Variants in RNGTT observed in about 807,000 individuals in gnomAD.
RNGTT encodes the protein RNA guanylyltransferase and 5'-phosphatase.
Under a neutral mutation model 79.3 loss-of-function variants are expected in RNGTT, and 33 were observed. The ratio of observed to expected loss-of-function variants is 0.42; its 90% CI spans 0.32 to 0.56. RNGTT has a LOEUF of 0.56. Among genes scored for constraint, RNGTT ranks in the 20% least tolerant of loss-of-function variants. RNGTT has a pLI of 0.17. For missense variants in RNGTT, 497 were observed against 739.1 expected, an observed-to-expected ratio of 0.67 and a Z score of 3.80; for synonymous variants, 222 against 235.9, an observed-to-expected ratio of 0.94 and a Z score of 0.54.
At chr6:88,922,768 A>G (rs1053070461) in intron 4 of RNGTT, among the ~76,000 whole-genome samples, 3 of 152,158 alleles carry the variant, frequency 2.0e-5, no homozygotes, top group African/African-American at 7.2e-5. Context: ...TGACCTTGTG[A>G]TCCACCCGCC....
intron 14 of RNGTT, among the ~76,000 whole-genome samples, chr6:88,623,454 T>C (rs1306585047): frequency 6.6e-6 from 1 of 152,070 alleles, no homozygotes; most frequent in African/African-American, 2.4e-5. Flanking sequence ...CCCAATTCCT[T>C]GTGACAGAGA....
intron 13 of RNGTT, among the ~76,000 whole-genome samples, chr6:88,692,946 A>G (rs997127316): frequency 1.3e-5 from 2 of 152,044 alleles, no homozygotes; most frequent in African/African-American, 2.4e-5. Flanking sequence ...CCTTGAGACA[A>G]ACAAAAAGCA....
rs78890900 is a variant in RNGTT at position 88,670,161 on chromosome 6, C to T, written c.1506+8192G>A. On this transcript the variant is annotated intron_variant, in intron 14 of 15. Transcript: ENST00000369485. ...ATATAGATGACCAAGGCCAAGTAGTCGAAAACATCGTCAGAGACATGACAA... is the reference window on the plus strand; with the variant it reads ...ATATAGATGACCAAGGCCAAGTAGTTGAAAACATCGTCAGAGACATGACAA... 8.8e-3 allele frequency among the ~76,000 whole-genome samples: 1,333 copies of T among 152,274 alleles called. 19 individuals carry two copies. The highest frequency in any genetic ancestry group is 0.03 in the African/African-American group (1,247 of 41,544).
chr6:88,857,603 A>G (rs1332367005), intron 8 of RNGTT, among the ~76,000 whole-genome samples: 1 of 152,180 alleles, frequency 6.6e-6, no homozygotes, highest in Non-Finnish European at 1.5e-5. Flanking sequence ...TTCATGTAAA[A>G]GCATACTAGT....
intron 1 of RNGTT, among the ~76,000 whole-genome samples, chr6:88,948,504 C>T (rs1213410695): frequency 2.0e-4 from 28 of 142,702 alleles, no homozygotes; most frequent in African/African-American, 6.7e-4. Flanking sequence ...GTCAGCCCCC[C>T]GCCCGGCCGG....
intron 13 of RNGTT, among the ~76,000 whole-genome samples, chr6:88,693,235 G>C (rs1391855224): frequency 6.6e-6 from 1 of 151,864 alleles, no homozygotes; most frequent in East Asian, 1.9e-4. Context: ...CCCTTACCTA[G>C]ACTGAGAAAA....
intron 4 of RNGTT, among the ~76,000 whole-genome samples, chr6:88,922,740 A>G (rs550273917): frequency 6.6e-6 from 1 of 152,136 alleles, no homozygotes; most frequent in Non-Finnish European, 1.5e-5. Context: ...CATGTTAGTC[A>G]GGATGGTCTT....
chr6:88,904,591 G>T, intron 6 of RNGTT, 124 bp downstream of exon 6: 1 of 1,209,718 alleles, frequency 8.3e-7, no homozygotes, highest in Non-Finnish European at 1.1e-6. Flanking sequence ...TTTTAGAAAG[G>T]GCTAGGATGA....
intron 14 of RNGTT, among the ~76,000 whole-genome samples, chr6:88,673,964 A>G (rs1228012701): frequency 6.6e-6 from 1 of 152,242 alleles, no homozygotes; most frequent in African/African-American, 2.4e-5. Flanking sequence ...GCTGAAACCT[A>G]TTAGGATTCC....
rs139495562 is a variant in RNGTT at position 88,614,222 on chromosome 6, C to T, written c.1630+50G>A. The T allele has an allele frequency of 1.1e-3, 1,722 of 1,594,026 alleles. 7 individuals carry two copies. The Middle Eastern group carries it at 0.022, about 20-fold the overall frequency. ...AGGCAGCACACTTTGGGTCTAACAC[C>T]TTAATTTTTGTTTTAAATATAATAA... On this transcript the variant is annotated intron_variant, in intron 15 of 15. Transcript: ENST00000369485.
intron 8 of RNGTT, among the ~76,000 whole-genome samples, chr6:88,872,360 C>G (rs1001686801): frequency 3.9e-5 from 6 of 152,038 alleles, no homozygotes; most frequent in African/African-American, 1.2e-4. Context: ...GACAACAGCC[C>G]TGGCCAACAG....
rs915037746 is a variant in RNGTT, at chr6:88,663,560, C to T, written c.1506+14793G>A. On this transcript the variant is annotated intron_variant, in intron 14 of 15. Coordinates refer to ENST00000369485, the MANE Select transcript of RNGTT (RefSeq NM_003800.5). The stretch of plus-strand genomic sequence containing the variant: ...ACCCGCCGAGGGAAGTCAGCTCCTA[C>T]GGTTCTGTCCGACCCCACATCAGAG... Among the ~76,000 whole-genome samples, 7 of 152,176 alleles carry T rather than the reference C, an allele frequency of 4.6e-5. No individual in the cohort carries two copies. In the East Asian group the frequency reaches 7.7e-4, roughly 17 times the overall value.
chr6:88,655,876 T>C (rs1056018317), intron 14 of RNGTT, among the ~76,000 whole-genome samples: 2 of 152,182 alleles, frequency 1.3e-5, no homozygotes, highest in African/African-American at 2.4e-5. Context: ...GAGGCTTCAA[T>C]CCTTCTTGGT....
chr6:88,831,120 G>T (rs1280302305), intron 11 of RNGTT, among the ~76,000 whole-genome samples: 1 of 152,068 alleles, frequency 6.6e-6, no homozygotes, highest in Admixed American at 6.6e-5. Flanking sequence ...CCAAAAACTG[G>T]CAGAGACACA....
At chr6:88,921,946 T>C (rs1352380393) in intron 4 of RNGTT, among the ~76,000 whole-genome samples, 1 of 152,170 alleles carries the variant, frequency 6.6e-6, no homozygotes, top group Non-Finnish European at 1.5e-5. Flanking sequence ...TACTATGCCA[T>C]TTTATACAAG....
intron 11 of RNGTT, among the ~76,000 whole-genome samples, chr6:88,812,103 A>C (rs944774702): frequency 4.6e-5 from 7 of 152,200 alleles, no homozygotes; most frequent in Non-Finnish European, 1.0e-4. Context: ...CAACATCATT[A>C]TCTTCTTTTA....
intron 1 of RNGTT, among the ~76,000 whole-genome samples, chr6:88,950,055 CT>C (rs35350913): frequency 0.096 from 14,688 of 152,252 alleles, 923 homozygotes; most frequent in South Asian, 0.2. Flanking sequence ...TCTGAAAATA[CT>C]AGGGCCCTTA....
At position 88,805,559 on chromosome 6, in the gene RNGTT, T is replaced by C. The variant is rs541819933; in HGVS notation, c.1270-3927A>G. ...ACAGACTTGGACCAATGATATTATA[T>C]TGATAAAAAGCAGAAAGACTTGGTC... On this transcript the variant is annotated intron_variant, in intron 11 of 15. Coordinates refer to ENST00000369485, the MANE Select transcript of RNGTT (RefSeq NM_003800.5). 2.0e-4 allele frequency among the ~76,000 whole-genome samples: 31 copies of C among 152,222 alleles called. 1 individual carries two copies. Among genetic ancestry groups the C allele is most frequent in the African/African-American group, 7.2e-4 (30 of 41,514 alleles).
intron 12 of RNGTT, among the ~76,000 whole-genome samples, chr6:88,779,257 C>G (rs1778984764): frequency 6.6e-6 from 1 of 152,178 alleles, no homozygotes; most frequent in South Asian, 2.1e-4. Flanking sequence ...TTTGCAACCT[C>G]TGCCAAGGAA....
Sources: gnomAD v4.1 joint callset for allele counts (sites outside exome capture counted in the v4.1 genomes callset) on GRCh38, gnomAD v4.1.1 for gene constraint, MANE v1.5 for transcripts, NCBI Gene and HGNC (gene_info 2026-07-23, HGNC 2026-07-21) for gene names.